The following RBFOX1 variants were observed in gnomAD, a reference collection of about 807,000 sequenced individuals.
RBFOX1 encodes the protein RNA binding protein fox-1 homolog 1.
Under a neutral mutation model 57.7 loss-of-function variants are expected in RBFOX1, and 8 were observed. The observed-to-expected ratio is 0.14, with a 90% confidence interval of 0.08 to 0.25. RBFOX1 has a LOEUF of 0.25. Among genes scored for constraint, RBFOX1 ranks in the 10% least tolerant of loss-of-function variants. The pLI is 1.00. For missense variants in RBFOX1, 611 were observed against 548.5 expected (o/e 1.11, Z -1.14); for synonymous variants, 326 against 222.4 (o/e 1.47, Z -4.15).
chr16:7,576,262 T>G (rs1602279566), intron 5 of RBFOX1, among the ~76,000 whole-genome samples: 1 of 152,068 alleles, frequency 6.6e-6, no homozygotes, highest in East Asian at 1.9e-4. Context: ...AAAAGTAAAG[T>G]GAAGGTCAGA....
chr16:5,478,008 T>C (rs972823967), intron 2 of RBFOX1, among the ~76,000 whole-genome samples: 1 of 152,102 alleles, frequency 6.6e-6, no homozygotes, highest in African/African-American at 2.4e-5. Flanking sequence ...ACCCTTCCTT[T>C]TGTTTTGGCA....
chr16:7,355,363 C>G (rs1313834969), intron 4 of RBFOX1, among the ~76,000 whole-genome samples: 1 of 152,150 alleles, frequency 6.6e-6, no homozygotes, highest in Non-Finnish European at 1.5e-5. Flanking sequence ...AGAAATAAGT[C>G]AGAAAGCAGA....
chr16:7,094,795 G>GTGTGTGTGT, intron 4 of RBFOX1, among the ~76,000 whole-genome samples: 1 of 82,232 alleles, frequency 1.2e-5, no homozygotes, highest in South Asian at 4.6e-4. Flanking sequence ...TGTGTGTTGA[G>GTGTGTGTGT]AGAGAGAGAG....
At chr16:6,557,517 G>A (rs996343264) in intron 2 of RBFOX1, among the ~76,000 whole-genome samples, 2 of 134,340 alleles carry the variant, frequency 1.5e-5, no homozygotes, top group African/African-American at 3.5e-5. Flanking sequence ...GTAATATATG[G>A]AATTACTAAA....
chr16:6,974,250 G>C (rs372521397), intron 3 of RBFOX1, among the ~76,000 whole-genome samples: 1 of 151,474 alleles, frequency 6.6e-6, no homozygotes, highest in Non-Finnish European at 1.5e-5. Context: ...TGAATGCAGA[G>C]AGGCATGTGG....
At chr16:5,368,728 T>C (rs1271142899) in intron 1 of RBFOX1, among the ~76,000 whole-genome samples, 3 of 152,096 alleles carry the variant, frequency 2.0e-5, no homozygotes, top group Non-Finnish European at 4.4e-5. Flanking sequence ...AGTGACATGG[T>C]TTCATAGTGA....
intron 2 of RBFOX1, among the ~76,000 whole-genome samples, chr16:6,392,824 A>G (rs945683521): frequency 2.6e-5 from 4 of 152,258 alleles, no homozygotes; most frequent in Non-Finnish European, 5.9e-5. Context: ...TTAACCATTT[A>G]CAGTTTGGTA....
intron 4 of RBFOX1, among the ~76,000 whole-genome samples, chr16:7,087,050 A>G (rs2060102195): frequency 6.6e-6 from 1 of 152,162 alleles, no homozygotes; most frequent in Admixed American, 6.5e-5. Flanking sequence ...GCGTCGGTAG[A>G]TGGCTGTAGA....
chr16:6,196,463 A>G (rs1180098514), intron 1 of RBFOX1, among the ~76,000 whole-genome samples: 2 of 152,208 alleles, frequency 1.3e-5, no homozygotes, highest in Non-Finnish European at 1.5e-5. Context: ...GGGATACAGT[A>G]GACAATAAAT....
intron 4 of RBFOX1, among the ~76,000 whole-genome samples, chr16:7,256,311 C>T (rs993594465): frequency 3.3e-5 from 5 of 152,164 alleles, no homozygotes; most frequent in African/African-American, 1.2e-4. Context: ...CCTCCACAGT[C>T]AGCGAGCAGA....
At chr16:7,698,402 A>T (rs182459860) in intron 14 of RBFOX1, among the ~76,000 whole-genome samples, 44 of 151,928 alleles carry the variant, frequency 2.9e-4, no homozygotes, top group African/African-American at 9.9e-4. Context: ...GCAAATGAAC[A>T]ATCTGCAAAA....
intron 2 of RBFOX1, among the ~76,000 whole-genome samples, chr16:6,423,676 C>A (rs192862717): frequency 6.6e-6 from 1 of 152,212 alleles, no homozygotes; most frequent in African/African-American, 2.4e-5. Context: ...AGACCAAGAG[C>A]AAGACACAGT....
chr16:6,181,274 C>A (rs537822423), intron 1 of RBFOX1, among the ~76,000 whole-genome samples: 1 of 152,330 alleles, frequency 6.6e-6, no homozygotes, highest in African/African-American at 2.4e-5. Flanking sequence ...GCTGCCAGTA[C>A]TCATAGCCTA....
chr16:6,868,744 T>A (rs1275854771), intron 3 of RBFOX1, among the ~76,000 whole-genome samples: 1 of 152,178 alleles, frequency 6.6e-6, no homozygotes, highest in Admixed American at 6.5e-5. Flanking sequence ...GTGCTGAGAT[T>A]ATAGGCATGA....
chr16:5,526,574 C>T (rs1044059836), intron 2 of RBFOX1, among the ~76,000 whole-genome samples: 15 of 152,264 alleles, frequency 9.9e-5, no homozygotes, highest in African/African-American at 3.6e-4. Context: ...TAGGTGTGAG[C>T]CACCACACCT....
chr16:6,587,923 C>T (rs2097653263), intron 2 of RBFOX1, among the ~76,000 whole-genome samples: 1 of 152,162 alleles, frequency 6.6e-6, no homozygotes, highest in Non-Finnish European at 1.5e-5. Flanking sequence ...CTTCAACATG[C>T]TTCTCTTAAA....
intron 4 of RBFOX1, among the ~76,000 whole-genome samples, chr16:5,917,970 G>A (rs1465413317): frequency 6.6e-6 from 1 of 152,074 alleles, no homozygotes; most frequent in Non-Finnish European, 1.5e-5. Flanking sequence ...TCTGTCACAA[G>A]TTATGCTCTC....
At chr16:7,067,118 G>T (rs1179281498) in intron 4 of RBFOX1, among the ~76,000 whole-genome samples, 1 of 152,184 alleles carries the variant, frequency 6.6e-6, no homozygotes, top group African/African-American at 2.4e-5. Flanking sequence ...TCATATGCCA[G>T]CGGCAGCCTT....
chr16:7,632,676 G>T (rs1486798266), intron 11 of RBFOX1, among the ~76,000 whole-genome samples: 1 of 152,120 alleles, frequency 6.6e-6, no homozygotes, highest in African/African-American at 2.4e-5. Context: ...ATAGGGCTGG[G>T]TCCTAGAGTA....
Sources: gnomAD v4.1 joint callset for allele counts (sites outside exome capture counted in the v4.1 genomes callset) on GRCh38, gnomAD v4.1.1 for gene constraint, MANE v1.5 for transcripts, NCBI Gene and HGNC (gene_info 2026-07-23, HGNC 2026-07-21) for gene names.